ERICH3: variants seen among roughly 807,000 people sequenced by gnomAD.
The protein encoded by ERICH3 is glutamate-rich protein 3.
ERICH3 carries 126 observed loss-of-function variants against 131.1 expected under a neutral mutation model. The observed-to-expected ratio is 0.96, with a 90% CI of 0.83 to 1.11. The LOEUF (loss-of-function observed/expected upper bound fraction) is 1.11, where lower values mean the gene tolerates loss of function less well. Ranked by LOEUF, ERICH3 falls within the 50% of genes most tolerant of loss-of-function variation. The probability of loss-of-function intolerance (pLI) is 0.00; values close to 1 mark genes in which losing one functional copy is unlikely to be tolerated. For synonymous variants in ERICH3, 695 were observed against 644.6 expected (o/e 1.08, Z -1.18); for missense variants, 2,050 against 1,810.7 (o/e 1.13, Z -2.40).
At chr1:74,602,344 T>C (rs1047674980) in intron 10 of ERICH3, among the ~76,000 whole-genome samples, 8 of 151,948 alleles carry the variant, frequency 5.3e-5, no homozygotes, top group African/African-American at 1.9e-4. Flanking sequence ...ACACCACCTT[T>C]GTGTCATCTA....
chr1:74,582,596 C>T (rs1037612249), intron 12 of ERICH3, among the ~76,000 whole-genome samples: 1 of 152,014 alleles, frequency 6.6e-6, no homozygotes, highest in Non-Finnish European at 1.5e-5. Context: ...AATGTAGAAA[C>T]TTAGAAACTC....
chr1:74,597,336 A>G (rs1049731095), intron 11 of ERICH3, among the ~76,000 whole-genome samples: 17 of 152,032 alleles, frequency 1.1e-4, no homozygotes, highest in Non-Finnish European at 2.1e-4. Context: ...ATAATCAGCA[A>G]TGAGATTTGA....
At chr1:74,605,154 T>A (rs1648325143) in intron 10 of ERICH3, among the ~76,000 whole-genome samples, 2 of 151,984 alleles carry the variant, frequency 1.3e-5, no homozygotes, top group Admixed American at 1.3e-4. Flanking sequence ...CTTCTTTCTT[T>A]AACCCTCACG....
At position 74,636,450 on chromosome 1, in the gene ERICH3, G is replaced by A. The variant is rs781369913; in HGVS notation, c.445-12C>T. ...GGTCGAGGGGCTGTCTAGACAATTA[G>A]GGGAAAAAATTCCATTTAAATTAGT... On this transcript the variant is annotated splice_polypyrimidine_tract_variant and intron_variant, in intron 5 of 14. Coordinates refer to ENST00000326665, the MANE Select transcript of ERICH3 (RefSeq NM_001002912.5). 1 of 1,588,816 alleles carries A rather than the reference G, an allele frequency of 6.3e-7. No individual in the cohort carries two copies. Among genetic ancestry groups the A allele is most frequent in the Non-Finnish European group, 8.6e-7 (1 of 1,167,988 alleles).
intron 7 of ERICH3, among the ~76,000 whole-genome samples, chr1:74,631,251 G>A (rs1646329356): frequency 6.6e-6 from 1 of 152,084 alleles, no homozygotes; most frequent in South Asian, 2.1e-4. Flanking sequence ...GAGGAAATCA[G>A]TACAACAAAC....
intron 1 of ERICH3, among the ~76,000 whole-genome samples, chr1:74,660,721 C>T (rs960149195): frequency 6.7e-6 from 1 of 149,402 alleles, no homozygotes; most frequent in East Asian, 2.0e-4. Context: ...TACATATACA[C>T]ATAAATACTT....
intron 13 of ERICH3, among the ~76,000 whole-genome samples, chr1:74,575,273 C>A (rs1647030479): frequency 6.6e-6 from 1 of 152,196 alleles, no homozygotes; most frequent in East Asian, 1.9e-4. Context: ...GCAATAATAG[C>A]TGATATTACA....
rs575435831 is a variant in ERICH3 at position 74,631,045 on chromosome 1, A to C, written c.819+668T>G. ...AGTTGGTTTTTAAGAATCTATGTGCATGCTGGCACTTCACTTCCTGATGGT... is the reference window on the plus strand; with the variant it reads ...AGTTGGTTTTTAAGAATCTATGTGCCTGCTGGCACTTCACTTCCTGATGGT... On this transcript the variant is annotated intron_variant, in intron 7 of 14. Coordinates refer to ENST00000326665, the MANE Select transcript of ERICH3 (RefSeq NM_001002912.5). 4.6e-5 allele frequency among the ~76,000 whole-genome samples: 7 copies of C among 152,240 alleles called. No homozygotes were observed. In the South Asian group the frequency reaches 8.3e-4, roughly 18 times the overall value.
At position 74,589,629 on chromosome 1, in the gene ERICH3, A is replaced by G. The variant is rs201084674; in HGVS notation, c.2176+2T>C. On this transcript the variant is annotated splice_donor_variant, in intron 12 of 14. Coordinates refer to ENST00000326665, the MANE Select transcript of ERICH3 (RefSeq NM_001002912.5). LOFTEE classifies it high-confidence loss of function. ...GCAGCTCAACTCAACGGCCATACTTACCACCTTCCTCCAACCCAGGGAGAC... is the reference window on the plus strand; with the variant it reads ...GCAGCTCAACTCAACGGCCATACTTGCCACCTTCCTCCAACCCAGGGAGAC... 5.8e-5 allele frequency: 94 copies of G among 1,613,070 alleles called. No homozygotes were observed. Among genetic ancestry groups the G allele is most frequent in the Non-Finnish European group, 7.5e-5 (89 of 1,179,482 alleles).
At chr1:74,633,076 A>G in intron 6 of ERICH3, among the ~76,000 whole-genome samples, 1 of 151,696 alleles carries the variant, frequency 6.6e-6, no homozygotes, top group East Asian at 1.9e-4. Context: ...ACTTATGTTT[A>G]TTTTTAAATT....
At chr1:74,593,616 C>T (rs891039586) in intron 11 of ERICH3, among the ~76,000 whole-genome samples, 1 of 152,056 alleles carries the variant, frequency 6.6e-6, no homozygotes, top group Non-Finnish European at 1.5e-5. Context: ...TAATTTCTTT[C>T]TTGTGATATT....
intron 1 of ERICH3, among the ~76,000 whole-genome samples, chr1:74,659,044 G>A (rs1353989423): frequency 1.3e-5 from 2 of 152,122 alleles, no homozygotes; most frequent in African/African-American, 4.8e-5. Context: ...AATATAACAT[G>A]GTTTAGAATC....
At chr1:74,657,222 T>C (rs963094473) in intron 1 of ERICH3, among the ~76,000 whole-genome samples, 3 of 152,180 alleles carry the variant, frequency 2.0e-5, no homozygotes, top group African/African-American at 7.2e-5. Context: ...CTTTTTGTTA[T>C]TTGTTTTTGT....
chr1:74,596,796 A>T (rs1647872428), intron 11 of ERICH3, among the ~76,000 whole-genome samples: 1 of 152,086 alleles, frequency 6.6e-6, no homozygotes, highest in Admixed American at 6.6e-5. Flanking sequence ...AATGATAGGA[A>T]GTCTCACACA....
Position 74,573,071 on chromosome 1 carries a change from G to C in ERICH3, c.2639C>G (p.Ala880Gly). 6.2e-7 allele frequency: 1 copy of C among 1,614,132 alleles called. No homozygotes were observed. The highest frequency in any genetic ancestry group is 8.5e-7 in the Non-Finnish European group (1 of 1,179,992). The change falls in exon 14 of 15, where the codon GCC (alanine) becomes GGC (glycine). Residue 880 changes from alanine (A) to glycine (G), a missense_variant. Ala to Gly is a moderately conservative substitution (Grantham distance 60). Transcript: ENST00000326665. ...TGTCTCAAGCACTGTGAGCATCAAG[G>C]CTTGCTTTTCAGGAGCCTCATCTTT... ...LSKDEAPEKQ[A>G]LMLTVLETDK...
rs776737296 is a variant in ERICH3, at chr1:74,571,596, C to G, written c.4114G>C (p.Ala1372Pro). The stretch of plus-strand genomic sequence containing the variant: ...TCTGAAAAGGAGGAGGCTTTATTTG[C>G]TATTGTTTTCTCCTCGGCTGTCTCC... Reference protein sequence around the residue: ...GSETAEEKTIANKASSFSDVA... With the variant: ...GSETAEEKTIPNKASSFSDVA... The change falls in exon 14 of 15, where the codon GCA becomes CCA. Residue 1372 changes from alanine (A) to proline (P), a missense_variant. Ala to Pro is a conservative substitution (Grantham distance 27). Transcript: ENST00000326665. 7.4e-6 allele frequency: 12 copies of G among 1,614,142 alleles called. No homozygotes were observed. Among genetic ancestry groups the G allele is most frequent in the Admixed American group, 1.7e-5 (1 of 60,016 alleles).
At chr1:74,653,371 A>T (rs1646554758) in intron 1 of ERICH3, among the ~76,000 whole-genome samples, 1 of 151,570 alleles carries the variant, frequency 6.6e-6, no homozygotes. Context: ...CTGTGTGTGC[A>T]CGTGTGTGTG....
chr1:74,659,323 CAT>C (rs1491284992), intron 1 of ERICH3, among the ~76,000 whole-genome samples: 139 of 85,906 alleles, frequency 1.6e-3, no homozygotes, highest in African/African-American at 6.0e-3. Flanking sequence ...TGCACAGGCG[CAT>C]GTGTGTGTGT....
rs760820496 is a variant in ERICH3 at position 74,631,697 on chromosome 1, T to A, written c.819+16A>T. Reference sequence around the variant, plus strand: ...CTGAGATAAATTAATAAAAGAAAAATTTGTTCCATAATCACCTTTGTCAAA... The same window carrying A: ...CTGAGATAAATTAATAAAAGAAAAAATTGTTCCATAATCACCTTTGTCAAA... On this transcript the variant is annotated intron_variant, in intron 7 of 14. Coordinates refer to ENST00000326665, the MANE Select transcript of ERICH3 (RefSeq NM_001002912.5). 2.6e-5 allele frequency: 42 copies of A among 1,585,368 alleles called. No homozygotes were observed. Among genetic ancestry groups the A allele is most frequent in the Non-Finnish European group, 3.1e-5 (36 of 1,154,972 alleles).
Sources: allele counts gnomAD v4.1 joint callset (sites outside exome capture counted in the v4.1 genomes callset), GRCh38; gene constraint gnomAD v4.1.1; transcripts MANE v1.5; gene names NCBI Gene and HGNC (gene_info 2026-07-23, HGNC 2026-07-21).